The following NPTXR variants were observed in gnomAD, a reference collection of about 807,000 sequenced individuals.
The protein encoded by NPTXR is neuronal pentraxin receptor.
A neutral mutation model predicts 32.2 loss-of-function variants in NPTXR; 12 were observed. That is an observed-to-expected ratio of 0.37 (90% CI 0.24 to 0.60). The LOEUF (loss-of-function observed/expected upper bound fraction) is 0.60, where lower values mean the gene tolerates loss of function less well. NPTXR is among the 20% of genes least tolerant of loss of function. The pLI, the probability that NPTXR is intolerant of heterozygous loss-of-function variation, is 0.66. For missense variants in NPTXR, 612 were observed against 682.9 expected (o/e 0.90, Z 1.16); for synonymous variants, 323 against 315.8 (o/e 1.02, Z -0.24).
intron 1 of NPTXR, among the ~76,000 whole-genome samples, chr22:38,829,195 G>T (rs564056655): frequency 6.6e-6 from 1 of 152,234 alleles, no homozygotes; most frequent in East Asian, 1.9e-4. Flanking sequence ...TTGGAGAGTT[G>T]TGGGGAGGAC....
At position 38,843,834 on chromosome 22, in the gene NPTXR, C is replaced by T. The variant is rs1293889448; in HGVS notation, c.25G>A (p.Ala9Thr). 8.8e-6 allele frequency: 9 copies of T among 1,017,158 alleles called. No individual in the cohort carries two copies. Among genetic ancestry groups the T allele is most frequent in the Non-Finnish European group, 1.1e-5 (9 of 852,292 alleles). 63.0% of individuals were successfully genotyped at this position (1,017,158 alleles called of 1,614,324 possible). ...CCGAGGAACGCCAGCATGCCCGCGG[C>T]CAGCAGCACGGCCAGGAACTTCAGC... The change falls in exon 1 of 5, where the codon GCC becomes ACC. Residue 9 changes from alanine to threonine, a missense_variant. Physicochemically the swap from Ala to Thr is moderately conservative, Grantham distance 58. Transcript: ENST00000333039. This position sits in a 1 kb window ranked among gnomAD's most constrained non-coding sequence, Gnocchi z 5.3.
rs540454420 is a variant in NPTXR, at chr22:38,819,540, G to C, written c.*3069C>G. 6.6e-6 allele frequency: 1 copy of C among 152,374 alleles called. No individual in the cohort carries two copies. Among genetic ancestry groups the C allele is most frequent in the Non-Finnish European group, 1.5e-5 (1 of 68,150 alleles). 9.4% of individuals were successfully genotyped at this position (152,374 alleles called of 1,614,324 possible). On this transcript the variant is annotated 3_prime_UTR_variant, in exon 5 of 5. Coordinates refer to ENST00000333039, the MANE Select transcript of NPTXR (RefSeq NM_014293.4). ...CAGCCCCTGGACGTAACCCCCTTTG[G>C]TTTGAAATCTGGGCTCCATCACTTG... is the stretch of plus-strand genomic sequence containing the variant.
intron 1 of NPTXR, among the ~76,000 whole-genome samples, chr22:38,840,357 G>A (rs1388930609): frequency 1.3e-5 from 2 of 152,126 alleles, no homozygotes; most frequent in Non-Finnish European, 1.5e-5. Flanking sequence ...CTGAGAGAGG[G>A]GTCAGGAGCG....
Position 38,822,695 on chromosome 22 carries a change from G to C in NPTXR, c.1417C>G (p.Leu473Val), listed in dbSNP as rs925461793. ...TCCACCAACTTGTCTTCCCAGGGAA[G>C]GACGTTGCCCAGCAGTGGCGCAGTG... Residue 473 changes from leucine to valine, a missense_variant, in exon 5 of 5, where the codon CTT becomes GTT. Physicochemically the swap from Leu to Val is conservative, Grantham distance 32. Coordinates refer to ENST00000333039, the MANE Select transcript of NPTXR (RefSeq NM_014293.4). 1.1e-5 allele frequency: 17 copies of C among 1,614,048 alleles called. No individual in the cohort carries two copies. The highest frequency in any genetic ancestry group is 1.4e-5 in the Non-Finnish European group (17 of 1,180,014).
chr22:38,834,493 G>A lies in NPTXR; in HGVS notation c.625-5981C>T, dbSNP rs2093121002. ...CCATTGCCTGCTCATCCTCCAGATGGCAGCTTCCCTGATGCCTGAACTGAG... is the reference window on the plus strand; with the variant it reads ...CCATTGCCTGCTCATCCTCCAGATGACAGCTTCCCTGATGCCTGAACTGAG... On this transcript the variant is annotated intron_variant, in intron 1 of 4. Coordinates refer to ENST00000333039, the MANE Select transcript of NPTXR (RefSeq NM_014293.4). The surrounding 1 kb of genome is among the most constrained non-coding windows in gnomAD (Gnocchi z 4.4). Among the ~76,000 whole-genome samples, 1 of 145,812 alleles carries A rather than the reference G, an allele frequency of 6.9e-6. No homozygotes were observed. Among genetic ancestry groups the A allele is most frequent in the African/African-American group, 2.6e-5 (1 of 38,860 alleles).
At chr22:38,836,279 T>G (rs1314112447) in intron 1 of NPTXR, among the ~76,000 whole-genome samples, 1 of 152,058 alleles carries the variant, frequency 6.6e-6, no homozygotes, top group African/African-American at 2.4e-5. Flanking sequence ...CAGGGAGAAA[T>G]GAGGGCTGAC....
intron 1 of NPTXR, among the ~76,000 whole-genome samples, chr22:38,838,517 C>T (rs907395923): frequency 7.2e-5 from 11 of 151,732 alleles, no homozygotes; most frequent in Non-Finnish European, 1.2e-4. Context: ...ACTCTGGGCT[C>T]CGAGGCAGAA....
rs539424953 is a variant in NPTXR at position 38,843,988 on chromosome 22, G to A, written c.-130C>T. On this transcript the variant is annotated 5_prime_UTR_variant, in exon 1 of 5. Transcript: ENST00000333039. This position sits in a 1 kb window ranked among gnomAD's most constrained non-coding sequence, Gnocchi z 5.3. ...CGGAGCCGGAGCCGGAGCCGGAGCC[G>A]GAGCTGGAGCTGTCGCCGCGGCCGC... 1.7e-3 allele frequency: 612 copies of A among 369,284 alleles called. 5 individuals are homozygous for A. The highest frequency in any genetic ancestry group is 0.012 in the African/African-American group (559 of 45,000). 22.9% of individuals were successfully genotyped at this position (369,284 alleles called of 1,614,324 possible). A position where few individuals can be genotyped will look rare whatever the true frequency, so the allele number is the denominator to read the frequency against.
In NPTXR at chr22:38,843,981, CGGAGCCGGAGCT is replaced by C; in HGVS notation, c.-135_-124del. On this transcript the variant is annotated 5_prime_UTR_variant, in exon 1 of 5. Coordinates refer to ENST00000333039, the MANE Select transcript of NPTXR (RefSeq NM_014293.4). The surrounding 1 kb of genome is among the most constrained non-coding windows in gnomAD (Gnocchi z 5.3). ...CGGGAGCCGGAGCCGGAGCCGGAGC[CGGAGCCGGAGCT>C]GGAGCTGTCGCCGCGGCCGCTGCTG... The C allele has an allele frequency of 2.3e-6, 1 of 428,560 alleles. No individual in the cohort carries two copies. Among genetic ancestry groups the C allele is most frequent in the Non-Finnish European group, 3.1e-6 (1 of 323,072 alleles). The allele number at this position is 428,560 out of a possible 1,614,324, so 26.5% of individuals were successfully genotyped here. A position where few individuals can be genotyped will look rare whatever the true frequency, so the allele number is the denominator to read the frequency against.
At chr22:38,826,094 C>T (rs5757297) in intron 3 of NPTXR, among the ~76,000 whole-genome samples, 12 of 151,854 alleles carry the variant, frequency 7.9e-5, no homozygotes, top group Admixed American at 5.2e-4. Context: ...CCGCCCGCCT[C>T]GGCCTCCCAA....
chr22:38,840,751 T>G (rs2093130625), intron 1 of NPTXR, among the ~76,000 whole-genome samples: 1 of 151,856 alleles, frequency 6.6e-6, no homozygotes, highest in African/African-American at 2.4e-5. Flanking sequence ...GGAATGGGTG[T>G]GGGAAGCCTC....
At chr22:38,825,340 C>T (rs2093104686) in intron 3 of NPTXR, among the ~76,000 whole-genome samples, 1 of 152,134 alleles carries the variant, frequency 6.6e-6, no homozygotes, top group African/African-American at 2.4e-5. Context: ...GCATTACTTC[C>T]CCTCTCTGAG....
At chr22:38,836,863 G>A (rs1603246414) in intron 1 of NPTXR, among the ~76,000 whole-genome samples, 1 of 152,126 alleles carries the variant, frequency 6.6e-6, no homozygotes, top group African/African-American at 2.4e-5. Flanking sequence ...CGCCCAGGCT[G>A]TAGTGCAGTG....
intron 1 of NPTXR, among the ~76,000 whole-genome samples, chr22:38,833,982 T>A (rs896287624): frequency 6.6e-6 from 1 of 152,206 alleles, no homozygotes; most frequent in Non-Finnish European, 1.5e-5. Context: ...GTAGTATTTA[T>A]GCCTTTTTGC....
rs1310118987 is a variant in NPTXR, at chr22:38,822,436, C to T, written c.*173G>A. On this transcript the variant is annotated 3_prime_UTR_variant, in exon 5 of 5. Coordinates refer to ENST00000333039, the MANE Select transcript of NPTXR (RefSeq NM_014293.4). ...CACTCAGGTGGGGACAGGGGACACA[C>T]TCGCAGGGCAGGGCATTCTGGAGGT... 9.6e-6 allele frequency: 6 copies of T among 628,022 alleles called. No homozygotes were observed. Among genetic ancestry groups the T allele is most frequent in the East Asian group, 2.8e-5 (1 of 36,284 alleles). 38.9% of individuals were successfully genotyped at this position (628,022 alleles called of 1,614,324 possible). A position where few individuals can be genotyped will look rare whatever the true frequency, so the allele number is the denominator to read the frequency against.
Position 38,826,697 on chromosome 22 carries a change from G to A in NPTXR, c.901C>T (p.Arg301Cys), listed in dbSNP as rs755394676. The A allele has an allele frequency of 6.2e-6, 10 of 1,614,124 alleles. No individual in the cohort carries two copies. The highest frequency in any genetic ancestry group is 1.3e-5 in the African/African-American group (1 of 74,952). ...ACGCGGGCGTACATGTAGTTGTTAC[G>A]GATGGGGATGCTGATCTTGAAGGCA... Residue 301 changes from arginine (R) to cysteine (C), a missense_variant, in exon 3 of 5, where the codon CGT becomes TGT. Coordinates refer to ENST00000333039, the MANE Select transcript of NPTXR (RefSeq NM_014293.4).
intron 1 of NPTXR, among the ~76,000 whole-genome samples, chr22:38,830,743 G>A (rs2093114814): frequency 6.6e-6 from 1 of 152,170 alleles, no homozygotes; most frequent in African/African-American, 2.4e-5. Flanking sequence ...TGCTGGCAGT[G>A]GGAGGGGCTG....
In NPTXR at chr22:38,822,818, G is replaced by A. The variant is rs1187072442; in HGVS notation, c.1294C>T (p.Arg432Trp). 5.0e-6 allele frequency: 8 copies of A among 1,613,624 alleles called. No homozygotes were observed. Among genetic ancestry groups the A allele is most frequent in the African/African-American group, 4.0e-5 (3 of 74,892 alleles). The change falls in exon 5 of 5, where the codon CGG becomes TGG. Residue 432 changes from arginine to tryptophan, a missense_variant. Physicochemically the swap from Arg to Trp is moderately radical, Grantham distance 101. Transcript: ENST00000333039. ...ACAAAGGCCTGGGTGGCATCAAACC[G>A]GCCACCCAGGGTATCCTGGGCCAAG...
Position 38,843,518 on chromosome 22 carries a change from C to A in NPTXR, c.341G>T (p.Gly114Val). 7.9e-7 allele frequency: 1 copy of A among 1,270,538 alleles called. No individual in the cohort carries two copies. The highest frequency in any genetic ancestry group is 9.9e-7 in the Non-Finnish European group (1 of 1,009,744). 78.7% of individuals were successfully genotyped at this position (1,270,538 alleles called of 1,614,324 possible). The change falls in exon 1 of 5, where the codon GGC becomes GTC. Residue 114 changes from glycine to valine, a missense_variant. Transcript: ENST00000333039. The surrounding 1 kb of genome is among the most constrained non-coding windows in gnomAD (Gnocchi z 5.3). ...CTCTTCGCGCTCGCCCGGCGCAGCG[C>A]CCGCCGCGTCCCCCTGCTGGGCCCC...
Sources: gnomAD v4.1 joint callset for allele counts (sites outside exome capture counted in the v4.1 genomes callset) on GRCh38, gnomAD v4.1.1 for gene constraint, Gnocchi (gnomAD v3.1) non-coding constraint, MANE v1.5 for transcripts, NCBI Gene and HGNC (gene_info 2026-07-23, HGNC 2026-07-21) for gene names.